MBD4: variants seen among roughly 807,000 people sequenced by gnomAD.
The protein encoded by MBD4 is methyl-CpG-binding domain protein 4.
In MBD4, 53 loss-of-function variants were observed where a neutral mutation model predicts 60.2. The observed-to-expected ratio is 0.88, with a 90% CI of 0.71 to 1.11. The LOEUF is 1.11. Ranked by LOEUF, MBD4 falls within the 50% of genes least tolerant of loss-of-function variation. The pLI, the probability that MBD4 is intolerant of heterozygous loss-of-function variation, is 0.00. For synonymous variants in MBD4, 231 were observed against 229.8 expected (o/e 1.01, Z -0.05); for missense variants, 619 against 674.0 (o/e 0.92, Z 0.90).
rs1347388894 is a variant in MBD4 at position 129,437,911 on chromosome 3, T to C, written c.144A>G (p.Glu48=). 1 of 1,613,808 alleles carries C rather than the reference T, an allele frequency of 6.2e-7. No homozygotes were observed. The highest frequency in any genetic ancestry group is 8.5e-7 in the Non-Finnish European group (1 of 1,179,682). The change falls in exon 2 of 8, where the codon GAA becomes GAG. Residue 48 remains glutamate, a synonymous_variant. Coordinates refer to ENST00000429544, the MANE Select transcript of MBD4 (RefSeq NM_001276270.2). ...DVAMELERVG[E]DEEQMMIKRS... is the part of the protein sequence containing the mutation. ...TTTTTATCATCATTTGTTCCTCATC[T>C]TCTCCCACTCTTTCCAATTCCATAG...
intron 3 of MBD4, among the ~76,000 whole-genome samples, chr3:129,436,195 A>C (rs2072456762): frequency 6.6e-6 from 1 of 152,186 alleles, no homozygotes; most frequent in African/African-American, 2.4e-5. Flanking sequence ...AGACGATGGC[A>C]GCTGTTAATA....
intron 5 of MBD4, 146 bp from the exon 6 acceptor site, chr3:129,433,393 C>T: frequency 1.2e-6 from 1 of 838,888 alleles, no homozygotes. Context: ...AAGCCATTAT[C>T]TGAACCAGCA....
At chr3:129,436,359 A>C in intron 3 of MBD4, 102 bp downstream of exon 3, 2 of 1,436,596 alleles carry the variant, frequency 1.4e-6, no homozygotes, top group Non-Finnish European at 9.6e-7. Context: ...TCACATCTTA[A>C]CCATGTATGG....
chr3:129,436,882 A>G lies in MBD4; in HGVS notation c.762T>C (p.Cys254=). The G allele has an allele frequency of 6.2e-7, 1 of 1,614,156 alleles. No individual in the cohort carries two copies. Among genetic ancestry groups the G allele is most frequent in the Admixed American group, 1.7e-5 (1 of 60,024 alleles). ...TGCTATCACTTTGAACAAAACCTGA[A>G]CAGCTCTTCCTACATCCTTTTTTAG... ...KKTKKGCRKS[C]SGFVQSDSKR... is the part of the protein sequence containing the mutation. Residue 254 remains cysteine (C), a synonymous_variant, in exon 3 of 8, where the codon TGT becomes TGC. Coordinates refer to ENST00000429544, the MANE Select transcript of MBD4 (RefSeq NM_001276270.2).
chr3:129,431,248 A>C lies in MBD4; in HGVS notation c.*253T>G, dbSNP rs1159475548. Reference sequence around the variant, plus strand: ...ATTTTTCATCTTCTGATTATATTTCATCATTGGAAAAGCCGTATTTTTTTT... The same window carrying C: ...ATTTTTCATCTTCTGATTATATTTCCTCATTGGAAAAGCCGTATTTTTTTT... On this transcript the variant is annotated 3_prime_UTR_variant, in exon 8 of 8. Coordinates refer to ENST00000429544, the MANE Select transcript of MBD4 (RefSeq NM_001276270.2). 8.8e-6 allele frequency: 4 copies of C among 455,120 alleles called. No homozygotes were observed. The highest frequency in any genetic ancestry group is 1.6e-5 in the Non-Finnish European group (4 of 253,420). The allele number at this position is 455,120 out of a possible 1,614,324, so 28.2% of individuals were successfully genotyped here. A position where few individuals can be genotyped will look rare whatever the true frequency, so the allele number is the denominator to read the frequency against.
intron 7 of MBD4, among the ~76,000 whole-genome samples, 163 bp from the exon 8 acceptor site, chr3:129,431,741 G>A (rs2072348700): frequency 6.6e-6 from 1 of 152,136 alleles, no homozygotes; most frequent in Non-Finnish European, 1.5e-5. Flanking sequence ...AATATTTTAA[G>A]TTATACCTTA....
In MBD4 at chr3:129,437,066, C is replaced by T. The variant is rs537246927; in HGVS notation, c.578G>A (p.Ser193Asn). Residue 193 changes from serine to asparagine, a missense_variant, in exon 3 of 8, where the codon AGT becomes AAT. Coordinates refer to ENST00000429544, the MANE Select transcript of MBD4 (RefSeq NM_001276270.2). ...GCTCTCCTGCAACTCTGAACTACTA[C>T]TTGGCGGCATAAACACATCCTTTTT... ...KCKKDVFMPPSSSSELQESRG... is the reference protein window; with the variant it reads ...KCKKDVFMPPNSSSELQESRG... 3.3e-5 allele frequency: 54 copies of T among 1,614,196 alleles called. No homozygotes were observed. Among genetic ancestry groups the T allele is most frequent in the Non-Finnish European group, 4.2e-5 (50 of 1,180,022 alleles).
chr3:129,438,858 C>T (rs781713912), intron 1 of MBD4, among the ~76,000 whole-genome samples: 1 of 152,022 alleles, frequency 6.6e-6, no homozygotes, highest in Non-Finnish European at 1.5e-5. Context: ...TGCTTAAGTC[C>T]GGCAGGTCAA....
intron 7 of MBD4, 96 bp from the exon 8 acceptor site, chr3:129,431,674 C>T: frequency 1.2e-6 from 1 of 844,174 alleles, no homozygotes; most frequent in Non-Finnish European, 2.0e-6. Context: ...TGCTGGGGGA[C>T]AGTACATTAC....
Position 129,436,606 on chromosome 3 carries a change from C to T in MBD4, c.1038G>A (p.Glu346=), listed in dbSNP as rs917274015. Residue 346 remains glutamate, a synonymous_variant, in exon 3 of 8, where the codon GAG becomes GAA. Coordinates refer to ENST00000429544, the MANE Select transcript of MBD4 (RefSeq NM_001276270.2). The part of the protein sequence containing the change: ...FCSAKDSEHN[E]KYEDTFLESE... ...ATTCTAAAAAGGTATCCTCATACTTCTCGTTGTGTTCTGAGTCTTTGGCTG... is the reference window on the plus strand; with the variant it reads ...ATTCTAAAAAGGTATCCTCATACTTTTCGTTGTGTTCTGAGTCTTTGGCTG... The T allele has an allele frequency of 1.9e-6, 3 of 1,614,016 alleles. No homozygotes were observed. Among genetic ancestry groups the T allele is most frequent in the Non-Finnish European group, 2.5e-6 (3 of 1,180,034 alleles).
At chr3:129,439,609 G>T (rs529341694) in intron 1 of MBD4, 121 bp downstream of exon 1, 8 of 756,578 alleles carry the variant, frequency 1.1e-5, no homozygotes, top group African/African-American at 1.7e-5. Flanking sequence ...AACTAAACCC[G>T]TGGGCTTCGA....
rs770768110 is a variant in MBD4, at chr3:129,434,058, A to G, written c.1258+4T>C. The G allele has an allele frequency of 3.1e-6, 5 of 1,614,038 alleles. No individual in the cohort carries two copies. Among genetic ancestry groups the G allele is most frequent in the Non-Finnish European group, 3.4e-6 (4 of 1,179,956 alleles). ...ATTTGCTGTTCTGATTGGGAAAGGG[A>G]TACCTTCTTTGTTATATTTGCTGGA... On this transcript the variant is annotated splice_donor_region_variant and intron_variant, in intron 4 of 7. Transcript: ENST00000429544.
At chr3:129,433,558 A>G (rs1438469860) in intron 5 of MBD4, 1 of 578,880 alleles carries the variant, frequency 1.7e-6, no homozygotes, top group East Asian at 2.9e-5. Context: ...TTCAGTGAAA[A>G]AGATACTTTT....
chr3:129,439,157 T>C (rs2107765044), intron 1 of MBD4, among the ~76,000 whole-genome samples: 1 of 152,342 alleles, frequency 6.6e-6, no homozygotes, highest in Admixed American at 6.5e-5. Flanking sequence ...TTTTCTGATG[T>C]AATTTGGGGT....
At chr3:129,437,337 T>C in intron 2 of MBD4, 29 bp from the exon 3 acceptor site, 1 of 1,574,630 alleles carries the variant, frequency 6.4e-7, no homozygotes, top group South Asian at 1.1e-5. Context: ...GGAAACTTAC[T>C]GCTAGTAAAT....
intron 3 of MBD4, 142 bp downstream of exon 3, chr3:129,436,319 C>A: frequency 1.1e-6 from 1 of 895,592 alleles, no homozygotes; most frequent in Non-Finnish European, 1.7e-6. Flanking sequence ...ACTGGTATCT[C>A]ATATTTGGCC....
At chr3:129,439,653 G>C (rs1209686067) in intron 1 of MBD4, 77 bp downstream of exon 1, 2 of 938,726 alleles carry the variant, frequency 2.1e-6, no homozygotes, top group East Asian at 5.2e-5. Context: ...AGGTTAGAAA[G>C]GCCCACACAC....
rs376663356 is a variant in MBD4, at chr3:129,433,962, T to C, written c.1281A>G (p.Lys427=). 1.5e-5 allele frequency: 25 copies of C among 1,614,090 alleles called. No individual in the cohort carries two copies. In the East Asian group the frequency reaches 5.3e-4, roughly 35 times the overall value. The stretch of plus-strand genomic sequence containing the variant: ...GAGGAGGTGTCCATTTCTTAAAGGC[T>C]TTACGTCGTGGGGGGCTAAGAGCTA... ...NKEALSPPRR[K]AFKKWTPPRS... The change falls in exon 5 of 8, where the codon AAA becomes AAG. Residue 427 remains lysine (K), a synonymous_variant. Coordinates refer to ENST00000429544, the MANE Select transcript of MBD4 (RefSeq NM_001276270.2).
chr3:129,433,388 A>T (rs564015844), intron 5 of MBD4, 141 bp from the exon 6 acceptor site: 28 of 889,008 alleles, frequency 3.1e-5, no homozygotes, highest in South Asian at 2.2e-4. Context: ...GTGAGAAGCC[A>T]TTATCTGAAC....
Sources: allele counts gnomAD v4.1 joint callset (sites outside exome capture counted in the v4.1 genomes callset), GRCh38; gene constraint gnomAD v4.1.1; transcripts MANE v1.5; gene names NCBI Gene and HGNC (gene_info 2026-07-23, HGNC 2026-07-21).